Variants in SLC35A1 observed in about 807,000 individuals in gnomAD.
SLC35A1 encodes CMP-sialic acid transporter.
Under a neutral mutation model 40.3 loss-of-function variants are expected in SLC35A1, and 21 were observed. That is an observed-to-expected ratio of 0.52 (90% CI 0.37 to 0.75). The LOEUF (loss-of-function observed/expected upper bound fraction) is 0.75. Among genes scored for constraint, SLC35A1 ranks in the 30% least tolerant of loss-of-function variants. The pLI, the probability that SLC35A1 is intolerant of heterozygous loss-of-function variation, is 0.00. For synonymous variants in SLC35A1, 146 were observed against 147.3 expected, an observed-to-expected ratio of 0.99 and a Z score of 0.06; for missense variants, 297 against 382.1, an observed-to-expected ratio of 0.78 and a Z score of 1.86.
At chr6:87,509,811 G>C (rs924686454) in intron 7 of SLC35A1, among the ~76,000 whole-genome samples, 8 of 152,028 alleles carry the variant, frequency 5.3e-5, no homozygotes, top group African/African-American at 1.9e-4. Flanking sequence ...CATTAATTTG[G>C]CTTCTAAATT....
intron 2 of SLC35A1, among the ~76,000 whole-genome samples, chr6:87,478,377 T>A (rs940839403): frequency 9.2e-5 from 14 of 152,284 alleles, no homozygotes; most frequent in African/African-American, 3.1e-4. Flanking sequence ...TTAAATAAAA[T>A]CTAATAGGTA....
chr6:87,482,097 T>C (rs1769260913), intron 2 of SLC35A1, among the ~76,000 whole-genome samples: 1 of 152,242 alleles, frequency 6.6e-6, no homozygotes, highest in South Asian at 2.1e-4. Context: ...AGTTCCCTTT[T>C]ATAGCATTTT....
At chr6:87,510,038 G>A (rs896888864) in intron 7 of SLC35A1, among the ~76,000 whole-genome samples, 2 of 152,164 alleles carry the variant, frequency 1.3e-5, no homozygotes, top group Non-Finnish European at 2.9e-5. Flanking sequence ...ACCATGTATA[G>A]TCTGTGGCAA....
intron 2 of SLC35A1, among the ~76,000 whole-genome samples, chr6:87,482,203 AT>A (rs914727308): frequency 6.6e-6 from 1 of 152,096 alleles, no homozygotes; most frequent in African/African-American, 2.4e-5. Context: ...TAGGATAATA[AT>A]TTACCATATA....
chr6:87,491,820 T>A (rs1194009942), intron 2 of SLC35A1, among the ~76,000 whole-genome samples: 1 of 152,166 alleles, frequency 6.6e-6, no homozygotes, highest in Non-Finnish European at 1.5e-5. Context: ...GGCTCTGGCC[T>A]TTTCCTCTTC....
At chr6:87,474,712 A>G (rs1769019156) in intron 1 of SLC35A1, among the ~76,000 whole-genome samples, 1 of 152,246 alleles carries the variant, frequency 6.6e-6, no homozygotes, top group Admixed American at 6.5e-5. Flanking sequence ...AAAAACATTT[A>G]GTATTTAAAA....
intron 2 of SLC35A1, among the ~76,000 whole-genome samples, chr6:87,485,165 C>A (rs573633700): frequency 6.6e-6 from 1 of 152,132 alleles, no homozygotes; most frequent in East Asian, 1.9e-4. Flanking sequence ...TTCTAAATAT[C>A]AGAAAATAAT....
At chr6:87,473,375 G>A (rs954776933) in intron 1 of SLC35A1, among the ~76,000 whole-genome samples, 6 of 152,140 alleles carry the variant, frequency 3.9e-5, no homozygotes, top group African/African-American at 1.2e-4. Context: ...ACCCAGCGAG[G>A]CAGGACAGTT....
chr6:87,478,867 C>T lies in SLC35A1; in HGVS notation c.194+1328C>T, dbSNP rs191691837. 6.9e-4 allele frequency among the ~76,000 whole-genome samples: 105 copies of T among 152,270 alleles called. No homozygotes were observed. In the East Asian group the frequency reaches 9.3e-3, roughly 13 times the overall value. On this transcript the variant is annotated intron_variant, in intron 2 of 7. Transcript: ENST00000369552. Reference sequence around the variant, plus strand: ...CCCTCACAGATGGAGCAATGGTGAGCGCACACCTGGACAAGGGAGGAAAAG... The same window carrying T: ...CCCTCACAGATGGAGCAATGGTGAGTGCACACCTGGACAAGGGAGGAAAAG...
At position 87,509,111 on chromosome 6, in the gene SLC35A1, T is replaced by C. The variant is rs769029834; in HGVS notation, c.822T>C (p.Phe274=). ...VKYTDNIMKG[F]SAAAAIVLST... ...ACACAGACAACATCATGAAAGGCTT[T>C]TCTGCAGCAGCGGCCATTGTCCTTT... The change falls in exon 7 of 8, where the codon TTT becomes TTC. Residue 274 remains phenylalanine (F), a synonymous_variant. Transcript: ENST00000369552. 6.2e-7 allele frequency: 1 copy of C among 1,614,170 alleles called. No homozygotes were observed. Among genetic ancestry groups the C allele is most frequent in the Admixed American group, 1.7e-5 (1 of 60,026 alleles).
At chr6:87,501,906 AT>A (rs200215126) in intron 4 of SLC35A1, among the ~76,000 whole-genome samples, 2 of 152,028 alleles carry the variant, frequency 1.3e-5, no homozygotes, top group Admixed American at 6.6e-5. Flanking sequence ...TACATACATG[AT>A]TTTTTTTCTT....
At chr6:87,484,877 A>G (rs1482679776) in intron 2 of SLC35A1, among the ~76,000 whole-genome samples, 1 of 152,258 alleles carries the variant, frequency 6.6e-6, no homozygotes, top group Non-Finnish European at 1.5e-5. Context: ...TAACAGATGA[A>G]TAAAATACAT....
intron 2 of SLC35A1, among the ~76,000 whole-genome samples, chr6:87,486,057 T>C (rs1276729982): frequency 6.6e-6 from 1 of 152,234 alleles, no homozygotes; most frequent in Non-Finnish European, 1.5e-5. Context: ...TACAAAGTAT[T>C]ATACTAGAAC....
chr6:87,509,220 C>G, intron 7 of SLC35A1, 45 bp downstream of exon 7: 1 of 1,610,938 alleles, frequency 6.2e-7, no homozygotes, highest in Non-Finnish European at 8.5e-7. Context: ...AAGAGCCTCC[C>G]ATTTCCTTGA....
chr6:87,487,948 T>G lies in SLC35A1; in HGVS notation c.194+10409T>G, dbSNP rs554023475. 61 of 152,260 alleles carry G rather than the reference T, an allele frequency of 4.0e-4. 1 individual carries two copies. The highest frequency in any genetic ancestry group is 7.6e-4 in the Non-Finnish European group (52 of 68,020). The allele number at this position is 152,260 out of a possible 1,614,324, so 9.4% of individuals were successfully genotyped here. A position where few individuals can be genotyped will look rare whatever the true frequency, so the allele number is the denominator to read the frequency against. On this transcript the variant is annotated intron_variant, in intron 2 of 7. Transcript: ENST00000369552. ...ATTCACACGTACAGTCCATGAATAA[T>G]AATAATCAACTATAGTAGGGGAAGG... is the stretch of plus-strand genomic sequence containing the variant.
chr6:87,480,026 T>C (rs1769201154), intron 2 of SLC35A1, among the ~76,000 whole-genome samples: 1 of 152,226 alleles, frequency 6.6e-6, no homozygotes, highest in Admixed American at 6.5e-5. Context: ...CTCTAATTAT[T>C]TGGCAGAGTG....
chr6:87,511,250 G>A (rs1309472797), intron 7 of SLC35A1, 149 bp from the exon 8 acceptor site: 9 of 800,408 alleles, frequency 1.1e-5, no homozygotes, highest in Middle Eastern at 7.1e-4. Context: ...TTTTTTGGCT[G>A]TAATGGAAGA....
chr6:87,478,447 A>G (rs889967109), intron 2 of SLC35A1, among the ~76,000 whole-genome samples: 2 of 152,218 alleles, frequency 1.3e-5, no homozygotes, highest in Admixed American at 1.3e-4. Flanking sequence ...GGCAGTTAAG[A>G]AGTCATACAG....
At chr6:87,475,732 T>C (rs2268995) in intron 1 of SLC35A1, among the ~76,000 whole-genome samples, 57,768 of 152,078 alleles carry the variant, frequency 0.38, 11,050 homozygotes, top group Admixed American at 0.46. Flanking sequence ...CTATGAAAAC[T>C]ATCTTTGAAT....
Sources: allele counts gnomAD v4.1 joint callset (sites outside exome capture counted in the v4.1 genomes callset), GRCh38; gene constraint gnomAD v4.1.1; transcripts MANE v1.5; gene names NCBI Gene and HGNC (gene_info 2026-07-23, HGNC 2026-07-21).